Variants in VPS41 observed in about 807,000 individuals in gnomAD.
VPS41 encodes vacuolar protein sorting-associated protein 41 homolog.
Under a neutral mutation model 130.9 loss-of-function variants are expected in VPS41, and 85 were observed. The ratio of observed to expected loss-of-function variants is 0.65; its 90% CI spans 0.55 to 0.78. The LOEUF (loss-of-function observed/expected upper bound fraction) is 0.78. Among genes scored for constraint, VPS41 ranks in the 30% least tolerant of loss-of-function variants. The pLI is 0.00. For missense variants in VPS41, 874 were observed against 1,018.7 expected, an observed-to-expected ratio of 0.86 and a Z score of 1.93; for synonymous variants, 335 against 332.9, an observed-to-expected ratio of 1.01 and a Z score of -0.07.
intron 4 of VPS41, among the ~76,000 whole-genome samples, chr7:38,859,160 A>C (rs1786048209): frequency 6.6e-6 from 1 of 152,208 alleles, no homozygotes; most frequent in African/African-American, 2.4e-5. Flanking sequence ...GAATAAATAC[A>C]TAAAGAAATA....
intron 4 of VPS41, among the ~76,000 whole-genome samples, chr7:38,842,575 C>T (rs1254772725): frequency 2.0e-5 from 3 of 152,174 alleles, no homozygotes; most frequent in Admixed American, 6.5e-5. Context: ...TTTTTCACTG[C>T]GTGGCTCCAC....
intron 1 of VPS41, among the ~76,000 whole-genome samples, chr7:38,903,780 G>A (rs1466875485): frequency 6.6e-6 from 1 of 152,122 alleles, no homozygotes; most frequent in South Asian, 2.1e-4. Context: ...AGGAGTTGTG[G>A]CCAGCTTTAG....
intron 25 of VPS41, among the ~76,000 whole-genome samples, chr7:38,730,229 A>G (rs1795635858): frequency 6.6e-6 from 1 of 152,210 alleles, no homozygotes; most frequent in Admixed American, 6.5e-5. Context: ...TTGACAAGCT[A>G]GATGGGCATT....
rs990730033 is a variant in VPS41, at chr7:38,776,449, G to C, written c.882+230C>G. ...TTTGACTAATATACCAAGAGAGGTC[G>C]AAAAAAAAGACTCTTTTTTGGCTCA... On this transcript the variant is annotated intron_variant, in intron 11 of 28. Transcript: ENST00000310301. Among the ~76,000 whole-genome samples the C allele has an allele frequency of 3.3e-5, 5 of 151,778 alleles. No homozygotes were observed. The East Asian group carries it at 9.7e-4, about 29-fold the overall frequency.
chr7:38,755,902 T>A (rs1328001247), intron 19 of VPS41, among the ~76,000 whole-genome samples: 1 of 152,124 alleles, frequency 6.6e-6, no homozygotes, highest in Non-Finnish European at 1.5e-5. Context: ...CTGAACTTCC[T>A]TGGAGCTACG....
intron 2 of VPS41, among the ~76,000 whole-genome samples, chr7:38,882,476 C>T (rs976502919): frequency 2.6e-5 from 4 of 152,188 alleles, no homozygotes; most frequent in African/African-American, 9.7e-5. Context: ...TGGTTTTGAA[C>T]ACCATCTAAA....
At chr7:38,856,172 T>A (rs984410352) in intron 4 of VPS41, among the ~76,000 whole-genome samples, 16 of 152,160 alleles carry the variant, frequency 1.1e-4, no homozygotes, top group African/African-American at 3.4e-4. Flanking sequence ...TTTTTGTTTT[T>A]AAGAGACACA....
intron 7 of VPS41, among the ~76,000 whole-genome samples, chr7:38,810,334 T>C (rs1025511966): frequency 1.3e-5 from 2 of 152,172 alleles, no homozygotes; most frequent in Non-Finnish European, 2.9e-5. Flanking sequence ...GAAAAGGAAA[T>C]AGCTGTCAAA....
rs776992780 is a variant in VPS41, at chr7:38,745,556, T to C, written c.1981+3A>G. 1.2e-6 allele frequency: 2 copies of C among 1,609,422 alleles called. No homozygotes were observed. The highest frequency in any genetic ancestry group is 4.5e-5 in the East Asian group (2 of 44,682). On this transcript the variant is annotated splice_donor_region_variant and intron_variant, in intron 23 of 28. Coordinates refer to ENST00000310301, the MANE Select transcript of VPS41 (RefSeq NM_014396.4). ...GGGACCAAAATGAATAAAAGCTACT[T>C]ACTCAGAAGATAAACTGTCTCTTCT...
At chr7:38,803,514 C>T (rs1011304010) in intron 7 of VPS41, among the ~76,000 whole-genome samples, 5 of 152,090 alleles carry the variant, frequency 3.3e-5, no homozygotes, top group African/African-American at 7.2e-5. Flanking sequence ...ACCTGTGCTA[C>T]GTCAGGAAGG....
At chr7:38,736,164 T>C (rs1584363531) in intron 25 of VPS41, among the ~76,000 whole-genome samples, 1 of 152,234 alleles carries the variant, frequency 6.6e-6, no homozygotes, top group Non-Finnish European at 1.5e-5. Flanking sequence ...TTAAGAACTT[T>C]AGAAACAAAA....
chr7:38,729,168 G>T (rs1012153398), intron 25 of VPS41, among the ~76,000 whole-genome samples: 1 of 152,138 alleles, frequency 6.6e-6, no homozygotes, highest in South Asian at 2.1e-4. Context: ...TACATCATGT[G>T]TTCATTCCAT....
Position 38,772,625 on chromosome 7 carries a change from C to T in VPS41, c.1025G>A (p.Gly342Glu), listed in dbSNP as rs2115847331. ...ACTCACGATGTAAAAAAGTGATTCC[C>T]CTTCAGAGTATTCTGTAGGTGAGAA... ...CRDYHLEYSE[G>E]ESLFYIVSPR... is the part of the protein sequence containing the mutation. The change falls in exon 13 of 29, where the codon GGG becomes GAG. Residue 342 changes from glycine (G) to glutamate (E), a missense_variant. Coordinates refer to ENST00000310301, the MANE Select transcript of VPS41 (RefSeq NM_014396.4). The T allele has an allele frequency of 1.2e-6, 2 of 1,611,280 alleles. No individual in the cohort carries two copies. The highest frequency in any genetic ancestry group is 8.5e-7 in the Non-Finnish European group (1 of 1,177,864).
rs982822768 is a variant in VPS41, at chr7:38,749,959, C to A, written c.1926+2217G>T. Reference sequence around the variant, plus strand: ...CTTACTGTAACCTCAAACTCTTGGGCTCAAGACTTCCTCCTCCCTCAGCTT... The same window carrying A: ...CTTACTGTAACCTCAAACTCTTGGGATCAAGACTTCCTCCTCCCTCAGCTT... On this transcript the variant is annotated intron_variant, in intron 22 of 28. Coordinates refer to ENST00000310301, the MANE Select transcript of VPS41 (RefSeq NM_014396.4). Among the ~76,000 whole-genome samples, 5 of 152,120 alleles carry A rather than the reference C, an allele frequency of 3.3e-5. No individual in the cohort carries two copies. In the East Asian group the frequency reaches 9.6e-4, roughly 29 times the overall value.
intron 7 of VPS41, among the ~76,000 whole-genome samples, chr7:38,813,042 AAC>A (rs1784975588): frequency 6.6e-6 from 1 of 152,204 alleles, no homozygotes; most frequent in Non-Finnish European, 1.5e-5. Flanking sequence ...GAGAAATGAA[AAC>A]ACACAGCCAC....
At chr7:38,778,349 T>TC (rs1784297403) in intron 10 of VPS41, among the ~76,000 whole-genome samples, 1 of 152,192 alleles carries the variant, frequency 6.6e-6, no homozygotes, top group South Asian at 2.1e-4. Flanking sequence ...AGACAGTGTT[T>TC]CTAGCGTAAC....
At chr7:38,862,673 C>A in intron 3 of VPS41, 51 bp from the exon 4 acceptor site, 2 of 1,140,046 alleles carry the variant, frequency 1.8e-6, no homozygotes, top group Non-Finnish European at 2.6e-6. Context: ...ACTATTAATA[C>A]ACAAGTAGTA....
intron 9 of VPS41, among the ~76,000 whole-genome samples, 176 bp downstream of exon 9, chr7:38,795,289 T>C (rs116576856): frequency 6.6e-6 from 1 of 152,218 alleles, no homozygotes; most frequent in African/African-American, 2.4e-5. Flanking sequence ...AAAGAAAGAA[T>C]ACATCTTAAA....
At chr7:38,880,927 A>C (rs1277053265) in intron 2 of VPS41, among the ~76,000 whole-genome samples, 1 of 152,206 alleles carries the variant, frequency 6.6e-6, no homozygotes, top group Non-Finnish European at 1.5e-5. Flanking sequence ...CAGTATTAGC[A>C]GTTTCGTCAC....
Sources: gnomAD v4.1 joint callset for allele counts (sites outside exome capture counted in the v4.1 genomes callset) on GRCh38, gnomAD v4.1.1 for gene constraint, MANE v1.5 for transcripts, NCBI Gene and HGNC (gene_info 2026-07-23, HGNC 2026-07-21) for gene names.